The following BANP variants were observed in gnomAD, a reference collection of about 807,000 sequenced individuals.
The protein encoded by BANP is BTG3 associated nuclear protein, also known as protein BANP.
BANP carries 11 observed loss-of-function variants against 68.1 expected under a neutral mutation model. That is an observed-to-expected ratio of 0.16 (90% CI 0.10 to 0.27). The LOEUF is 0.27. BANP is among the 10% of genes least tolerant of loss of function. The pLI, the probability that BANP is intolerant of heterozygous loss-of-function variation, is 1.00. For missense variants in BANP, 504 were observed against 722.7 expected, an observed-to-expected ratio of 0.70 and a Z score of 3.47; for synonymous variants, 329 against 303.2, an observed-to-expected ratio of 1.09 and a Z score of -0.88.
rs192243891 is a variant in BANP, at chr16:88,050,812, C to T, written c.1311+12801C>T. ...AAGCAATCCTCCCACCTCAGCCTCC[C>T]GAGTAGCTGGGACTACAGGTGCGCA... On this transcript the variant is annotated intron_variant, in intron 11 of 13. Transcript: ENST00000682872. 3.2e-3 allele frequency among the ~76,000 whole-genome samples: 490 copies of T among 152,272 alleles called. 1 individual carries two copies. The highest frequency in any genetic ancestry group is 0.011 in the African/African-American group (470 of 41,548).
At chr16:87,973,753 C>CAAA (rs58334556) in intron 1 of BANP, among the ~76,000 whole-genome samples, 74 of 99,344 alleles carry the variant, frequency 7.4e-4, no homozygotes, top group East Asian at 2.4e-3. Flanking sequence ...AACTCCATCA[C>CAAA]AAAAAAAAAA....
At chr16:87,983,074 TC>T (rs1292383488) in intron 3 of BANP, among the ~76,000 whole-genome samples, 1 of 151,846 alleles carries the variant, frequency 6.6e-6, no homozygotes, top group Admixed American at 6.6e-5. Flanking sequence ...CGAGCCTACC[TC>T]CCCCTTCCTT....
At chr16:88,032,106 G>A (rs1000592830) in intron 8 of BANP, among the ~76,000 whole-genome samples, 3 of 150,504 alleles carry the variant, frequency 2.0e-5, no homozygotes, top group Admixed American at 2.0e-4. Context: ...CGCCTGGCCC[G>A]CTTCTCTTTA....
At chr16:87,961,922 T>A (rs112336822) in intron 1 of BANP, among the ~76,000 whole-genome samples, 81 of 152,266 alleles carry the variant, frequency 5.3e-4, no homozygotes, top group African/African-American at 1.9e-3. Context: ...ACCTTGGACT[T>A]CTCAGCCTCC....
intron 3 of BANP, among the ~76,000 whole-genome samples, chr16:87,983,505 G>A (rs1275976322): frequency 3.9e-5 from 6 of 152,150 alleles, no homozygotes; most frequent in African/African-American, 1.4e-4. Flanking sequence ...AGACTCAGCC[G>A]GAAAGGTCAG....
intron 3 of BANP, among the ~76,000 whole-genome samples, chr16:87,982,951 AAT>A (rs1289497311): frequency 1.0e-3 from 159 of 152,154 alleles, no homozygotes; most frequent in African/African-American, 3.6e-3. Flanking sequence ...TTCCGGCTCC[AAT>A]GTGGGCCGGC....
chr16:88,051,921 G>C (rs149823997), intron 11 of BANP, among the ~76,000 whole-genome samples: 1 of 152,078 alleles, frequency 6.6e-6, no homozygotes, highest in Non-Finnish European at 1.5e-5. Context: ...TTTGTTTGAG[G>C]AGTTTAAGAA....
At chr16:88,055,894 T>G (rs1305638541) in intron 11 of BANP, among the ~76,000 whole-genome samples, 1 of 152,204 alleles carries the variant, frequency 6.6e-6, no homozygotes, top group East Asian at 1.9e-4. Flanking sequence ...TGGAGAAGCC[T>G]TCTCTACCAG....
At chr16:88,053,249 C>A (rs1293850777) in intron 11 of BANP, among the ~76,000 whole-genome samples, 6 of 151,812 alleles carry the variant, frequency 4.0e-5, no homozygotes, top group African/African-American at 1.5e-4. Flanking sequence ...ACAACCACTA[C>A]CACCCCCACC....
At chr16:87,996,744 G>T (rs992163223) in intron 4 of BANP, among the ~76,000 whole-genome samples, 36 of 152,324 alleles carry the variant, frequency 2.4e-4, no homozygotes, top group African/African-American at 8.4e-4. Context: ...CCTCCTCCCT[G>T]TGTCGTTGTC....
At chr16:87,972,793 G>A (rs534774828) in intron 1 of BANP, among the ~76,000 whole-genome samples, 148 of 152,230 alleles carry the variant, frequency 9.7e-4, no homozygotes, top group African/African-American at 3.5e-3. Flanking sequence ...CACATTTTGT[G>A]TTCAGTTCCA....
intron 6 of BANP, among the ~76,000 whole-genome samples, chr16:88,015,534 T>C (rs144787792): frequency 6.6e-5 from 10 of 152,292 alleles, no homozygotes; most frequent in African/African-American, 2.2e-4. Context: ...CCCAGGCCGA[T>C]GCTGCTCCCC....
At chr16:88,042,636 A>G (rs1449412790) in intron 11 of BANP, among the ~76,000 whole-genome samples, 1 of 152,188 alleles carries the variant, frequency 6.6e-6, no homozygotes, top group Admixed American at 6.5e-5. Flanking sequence ...TTTAAAAAAA[A>G]TGTTTTGTGC....
intron 4 of BANP, among the ~76,000 whole-genome samples, chr16:87,998,077 G>A (rs1273554259): frequency 6.6e-6 from 1 of 152,112 alleles, no homozygotes; most frequent in Non-Finnish European, 1.5e-5. Context: ...GTGAACCAGC[G>A]GGTCGAGAGG....
chr16:87,985,836 T>A (rs2064282545), intron 4 of BANP, among the ~76,000 whole-genome samples: 1 of 152,252 alleles, frequency 6.6e-6, no homozygotes, highest in Non-Finnish European at 1.5e-5. Flanking sequence ...TAATGAACTT[T>A]CACATAAAGC....
chr16:88,051,210 C>T (rs181623234), intron 11 of BANP, among the ~76,000 whole-genome samples: 4 of 152,298 alleles, frequency 2.6e-5, no homozygotes, highest in Admixed American at 1.3e-4. Flanking sequence ...GGGCTGAGGC[C>T]GCAGACCCCC....
At chr16:88,069,995 G>A (rs966798723) in intron 12 of BANP, among the ~76,000 whole-genome samples, 5 of 152,120 alleles carry the variant, frequency 3.3e-5, no homozygotes, top group Non-Finnish European at 7.3e-5. Flanking sequence ...GGACGGTGAG[G>A]ACGAAGGCCA....
upstream of BANP, chr16:87,949,830 G>C (rs2056632380): frequency 6.6e-6 from 1 of 151,492 alleles, no homozygotes; most frequent in African/African-American, 2.4e-5. Context: ...GCAAAAGGGA[G>C]TTGGGCAGGA....
chr16:87,978,768 C>G (rs1014576715), intron 2 of BANP: 15 of 421,710 alleles, frequency 3.6e-5, no homozygotes, highest in Non-Finnish European at 5.8e-5. Flanking sequence ...TCAAAACAGT[C>G]TCAGCCTTAA....
Sources: allele counts gnomAD v4.1 joint callset (sites outside exome capture counted in the v4.1 genomes callset), GRCh38; gene constraint gnomAD v4.1.1; transcripts MANE v1.5; gene names NCBI Gene and HGNC (gene_info 2026-07-23, HGNC 2026-07-21).